Variants in TRRAP observed in about 807,000 individuals in gnomAD.
The protein encoded by TRRAP is transformation/transcription domain-associated protein.
A neutral mutation model predicts 438.8 loss-of-function variants in TRRAP; 41 were observed. The observed-to-expected ratio is 0.09, with a 90% CI of 0.07 to 0.12. The LOEUF (loss-of-function observed/expected upper bound fraction) is 0.12, where lower values mean the gene tolerates loss of function less well. TRRAP is among the 10% of genes least tolerant of loss of function. TRRAP has a pLI of 1.00. For missense variants in TRRAP, 3,122 were observed against 5,055.1 expected (o/e 0.62, Z 11.60); for synonymous variants, 1,994 against 1,962.9 (o/e 1.02, Z -0.42).
intron 5 of TRRAP, 93 bp downstream of exon 5, chr7:98,892,621 T>C: frequency 9.2e-7 from 1 of 1,090,968 alleles, no homozygotes; most frequent in Non-Finnish European, 1.3e-6. Context: ...ACAACTGTTT[T>C]ATCTTTCTCC....
Position 98,921,815 on chromosome 7 carries a change from C to G in TRRAP, c.2685C>G (p.Leu895=), listed in dbSNP as rs367713600. ...TCTCCCACGTGGCCTACCGTGTGCT[C>G]GGTAAGTTTGGCGGCAGTAACAGGA... ...DSISHVAYRV[L]GKFGGSNRKM... is the part of the protein sequence containing the mutation. The change falls in exon 21 of 73, where the codon CTC becomes CTG. Residue 895 remains leucine (L), a synonymous_variant. Coordinates refer to ENST00000456197, the MANE Select transcript of TRRAP (RefSeq NM_001375524.1). 2.5e-6 allele frequency: 4 copies of G among 1,614,062 alleles called. No homozygotes were observed. The highest frequency in any genetic ancestry group is 2.5e-6 in the Non-Finnish European group (3 of 1,180,044).
rs1791707016 is a variant in TRRAP, at chr7:98,958,045, A to C, written c.6296A>C (p.Gln2099Pro). 5.0e-6 allele frequency: 8 copies of C among 1,614,116 alleles called. No homozygotes were observed. In the Admixed American group the frequency reaches 1.2e-4, roughly 24 times the overall value. ...DSLLAKPIDK[Q>P]HTDTVVNFLI... is the part of the protein sequence containing the mutation. ...CTCCTCGCCAAGCCCATTGACAAGC[A>C]GCACACAGACACTGTGGTGAACTTC... is the stretch of plus-strand genomic sequence containing the variant. Residue 2099 changes from glutamine to proline, a missense_variant, in exon 44 of 73, where the codon CAG (glutamine) becomes CCG (proline). By Grantham distance (76) the Gln-to-Pro change is moderately conservative. Transcript: ENST00000456197.
At chr7:98,978,394 T>A (rs905078554) in intron 57 of TRRAP, 71 bp downstream of exon 57, 2 of 1,365,542 alleles carry the variant, frequency 1.5e-6, no homozygotes, top group Non-Finnish European at 2.1e-6. Flanking sequence ...TCTGACCTTT[T>A]CTTGTAATGA....
At chr7:98,990,430 T>C in intron 63 of TRRAP, 25 bp from the exon 64 acceptor site, 1 of 1,607,810 alleles carries the variant, frequency 6.2e-7, no homozygotes, top group Non-Finnish European at 8.5e-7. Flanking sequence ...GTCATTCTAC[T>C]CTAGAATTTC....
intron 52 of TRRAP, 86 bp from the exon 53 acceptor site, chr7:98,971,713 G>A: frequency 2.7e-6 from 4 of 1,496,512 alleles, no homozygotes; most frequent in Non-Finnish European, 3.6e-6. Flanking sequence ...TACCAAAATT[G>A]TAACAAGAAG....
intron 20 of TRRAP, among the ~76,000 whole-genome samples, chr7:98,921,284 A>T (rs1197720510): frequency 6.6e-6 from 1 of 152,214 alleles, no homozygotes; most frequent in Non-Finnish European, 1.5e-5. Context: ...AACATGCAAG[A>T]CTAATAACAT....
rs570722625 is a variant in TRRAP at position 98,937,833 on chromosome 7, C to T, written c.4404+13C>T. The T allele has an allele frequency of 1.3e-6, 2 of 1,599,638 alleles. No individual in the cohort carries two copies. The highest frequency in any genetic ancestry group is 1.7e-6 in the Non-Finnish European group (2 of 1,174,470). On this transcript the variant is annotated intron_variant, in intron 30 of 72. Transcript: ENST00000456197. ...TGATCAGATGATGGTAAGCCAAATG[C>T]ATTTAAACGCTCTGTAACAAACTTT...
chr7:98,880,262 G>GTT (rs201053093), intron 1 of TRRAP, among the ~76,000 whole-genome samples: 2 of 132,106 alleles, frequency 1.5e-5, no homozygotes, highest in African/African-American at 2.9e-5. Context: ...TGTTGTTGTT[G>GTT]TTTTTTTTTT....
At chr7:98,929,049 T>C (rs1554412202) in intron 23 of TRRAP, among the ~76,000 whole-genome samples, 1 of 151,520 alleles carries the variant, frequency 6.6e-6, no homozygotes, top group Admixed American at 6.6e-5. Flanking sequence ...GTGATTCTCC[T>C]CCCTCACCCC....
intron 53 of TRRAP, among the ~76,000 whole-genome samples, chr7:98,973,548 A>G (rs2116718235): frequency 6.6e-6 from 1 of 152,324 alleles, no homozygotes; most frequent in South Asian, 2.1e-4. Context: ...CTGTGGGGCC[A>G]TGGCTGCTCT....
chr7:98,892,789 G>T (rs1231337962), intron 5 of TRRAP, among the ~76,000 whole-genome samples: 6 of 152,180 alleles, frequency 3.9e-5, no homozygotes, highest in Non-Finnish European at 8.8e-5. Flanking sequence ...ATGGTGAGCC[G>T]GGTGCGGGCC....
At chr7:98,938,657 C>G (rs1222505018) in intron 30 of TRRAP, among the ~76,000 whole-genome samples, 2 of 152,228 alleles carry the variant, frequency 1.3e-5, no homozygotes, top group Admixed American at 6.5e-5. Context: ...CAGAATACCT[C>G]ATGACATGAA....
intron 35 of TRRAP, among the ~76,000 whole-genome samples, chr7:98,949,104 A>G (rs1268696664): frequency 6.6e-6 from 1 of 152,098 alleles, no homozygotes; most frequent in African/African-American, 2.4e-5. Flanking sequence ...ACGGTGGCAC[A>G]TGCCTGTAGT....
chr7:98,911,731 A>G (rs1193485822), intron 17 of TRRAP, among the ~76,000 whole-genome samples: 2 of 151,250 alleles, frequency 1.3e-5, no homozygotes, highest in African/African-American at 2.4e-5. Flanking sequence ...GCACCGCTGC[A>G]CTCCAGCCTG....
chr7:98,967,229 A>T, intron 50 of TRRAP, 67 bp downstream of exon 50: 1 of 1,546,900 alleles, frequency 6.5e-7, no homozygotes, highest in Non-Finnish European at 8.7e-7. Flanking sequence ...CCAGCCAGCC[A>T]TGCAGCCATG....
chr7:98,889,114 C>G (rs1314364381), intron 3 of TRRAP, among the ~76,000 whole-genome samples: 1 of 143,854 alleles, frequency 7.0e-6, no homozygotes, highest in African/African-American at 2.6e-5. Context: ...AATTCCTGGG[C>G]TCCAGTGATC....
chr7:98,939,760 A>G (rs186179377), intron 30 of TRRAP, among the ~76,000 whole-genome samples: 4 of 152,360 alleles, frequency 2.6e-5, no homozygotes, highest in Admixed American at 2.0e-4. Flanking sequence ...CATGAGGCCC[A>G]TGAGCTCTAT....
At chr7:98,931,270 T>G in intron 25 of TRRAP, 135 bp from the exon 26 acceptor site, 1 of 1,315,328 alleles carries the variant, frequency 7.6e-7, no homozygotes, top group Non-Finnish European at 1.0e-6. Context: ...TGCCGTGAAG[T>G]CACCTCATTA....
intron 39 of TRRAP, among the ~76,000 whole-genome samples, chr7:98,952,175 T>C (rs782554893): frequency 6.6e-6 from 1 of 152,218 alleles, no homozygotes; most frequent in Non-Finnish European, 1.5e-5. Context: ...CTTAGTTGAA[T>C]TGAATGATGC....
Sources: allele counts gnomAD v4.1 joint callset (sites outside exome capture counted in the v4.1 genomes callset), GRCh38; gene constraint gnomAD v4.1.1; transcripts MANE v1.5; gene names NCBI Gene and HGNC (gene_info 2026-07-23, HGNC 2026-07-21).